The following ARHGAP42 variants were observed in gnomAD, a reference collection of about 807,000 sequenced individuals.
ARHGAP42 encodes rho GTPase-activating protein 42.
Under a neutral mutation model 125.0 loss-of-function variants are expected in ARHGAP42, and 63 were observed. The ratio of observed to expected loss-of-function variants is 0.50; its 90% confidence interval spans 0.41 to 0.62. The LOEUF (loss-of-function observed/expected upper bound fraction) is 0.62, where lower values mean the gene tolerates loss of function less well. Among genes scored for constraint, ARHGAP42 ranks in the 20% least tolerant of loss-of-function variants. The probability of loss-of-function intolerance (pLI) is 0.00; values close to 1 mark genes in which losing one functional copy is unlikely to be tolerated. For synonymous variants in ARHGAP42, 339 were observed against 351.0 expected (o/e 0.97, Z 0.38); for missense variants, 766 against 1,024.2 (o/e 0.75, Z 3.44).
intron 4 of ARHGAP42, among the ~76,000 whole-genome samples, chr11:100,911,249 G>A (rs1363005734): frequency 6.6e-6 from 1 of 152,082 alleles, no homozygotes; most frequent in South Asian, 2.1e-4. Flanking sequence ...AGGGTCTGTG[G>A]TGGCCACTAT....
intron 4 of ARHGAP42, among the ~76,000 whole-genome samples, chr11:100,875,097 CTCTCTCTCTCTGTG>C (rs1329534820): frequency 3.9e-4 from 37 of 95,204 alleles, no homozygotes; most frequent in Admixed American, 2.3e-3. Flanking sequence ...CTCTCTCTCT[CTCTCTCTCTCTGTG>C]TGTGTGTGTG....
In ARHGAP42 at chr11:100,978,745, G is replaced by A. The variant is rs76775609; in HGVS notation, c.2394-242G>A. 8.0e-3 allele frequency among the ~76,000 whole-genome samples: 1,219 copies of A among 152,228 alleles called. 16 individuals carry two copies. The highest frequency in any genetic ancestry group is 0.027 in the African/African-American group (1,103 of 41,544). ...TGGTTTTCTGAGATAAAAAGGATGA[G>A]GATAGTAAGATCCCCAGAGGAAGTA... On this transcript the variant is annotated intron_variant, in intron 21 of 23. Coordinates refer to ENST00000298815, the MANE Select transcript of ARHGAP42 (RefSeq NM_152432.4).
intron 1 of ARHGAP42, among the ~76,000 whole-genome samples, chr11:100,704,974 A>G (rs58897271): frequency 0.3 from 21,412 of 72,404 alleles, 2,427 homozygotes; most frequent in East Asian, 0.48. Flanking sequence ...GGTGAGCCTG[A>G]GTGAGCCTGG....
At chr11:100,762,720 C>T (rs769391247) in intron 1 of ARHGAP42, among the ~76,000 whole-genome samples, 3 of 152,106 alleles carry the variant, frequency 2.0e-5, no homozygotes, top group Non-Finnish European at 4.4e-5. Context: ...TACTTTGCCA[C>T]ACCCAGTATT....
chr11:100,919,010 C>T (rs1220310871), intron 5 of ARHGAP42, among the ~76,000 whole-genome samples: 1 of 152,054 alleles, frequency 6.6e-6, no homozygotes, highest in African/African-American at 2.4e-5. Flanking sequence ...TAGTCATACT[C>T]GTGGCTATGA....
At chr11:100,950,720 T>C (rs1182526998) in intron 12 of ARHGAP42, among the ~76,000 whole-genome samples, 3 of 152,116 alleles carry the variant, frequency 2.0e-5, no homozygotes, top group Non-Finnish European at 4.4e-5. Context: ...GTCATTTTAC[T>C]TGATATTTAA....
intron 4 of ARHGAP42, among the ~76,000 whole-genome samples, chr11:100,886,757 C>G (rs991062874): frequency 6.6e-6 from 1 of 152,168 alleles, no homozygotes; most frequent in Admixed American, 6.5e-5. Flanking sequence ...AACAATAAGA[C>G]TGTAAATGTT....
At chr11:100,747,426 A>T (rs926765479) in intron 1 of ARHGAP42, among the ~76,000 whole-genome samples, 2 of 152,212 alleles carry the variant, frequency 1.3e-5, no homozygotes, top group Non-Finnish European at 2.9e-5. Flanking sequence ...TTAATGTCTG[A>T]CCATAAGGTA....
At chr11:100,759,614 A>G (rs1230479891) in intron 1 of ARHGAP42, among the ~76,000 whole-genome samples, 2 of 152,114 alleles carry the variant, frequency 1.3e-5, no homozygotes, top group African/African-American at 2.4e-5. Context: ...GTAGACATAC[A>G]AAAAAGGAGG....
At chr11:100,720,819 G>A (rs930928298) in intron 1 of ARHGAP42, among the ~76,000 whole-genome samples, 3 of 151,792 alleles carry the variant, frequency 2.0e-5, no homozygotes, top group Non-Finnish European at 4.4e-5. Context: ...TTTTTACCAT[G>A]AACATTTTCA....
In ARHGAP42 at chr11:100,763,471, A is replaced by G. The variant is rs530220537; in HGVS notation, c.155-6872A>G. Among the ~76,000 whole-genome samples, 6 of 152,228 alleles carry G rather than the reference A, an allele frequency of 3.9e-5. No individual in the cohort carries two copies. In the South Asian group the frequency reaches 6.2e-4, roughly 16 times the overall value. The stretch of plus-strand genomic sequence containing the variant: ...CATTAGAAAGTAGAGGAATGAGCAT[A>G]CATTTCCTTTGTCTTTTTAAAAATT... On this transcript the variant is annotated intron_variant, in intron 1 of 23. Coordinates refer to ENST00000298815, the MANE Select transcript of ARHGAP42 (RefSeq NM_152432.4).
Position 100,884,755 on chromosome 11 carries a change from G to A in ARHGAP42, c.384+25130G>A, listed in dbSNP as rs147087957. On this transcript the variant is annotated intron_variant, in intron 4 of 23. Transcript: ENST00000298815. ...TATTTCTTTATGATTTTACCGTAAT[G>A]AAATTTATCATTCGTATTTCAGAAT... Among the ~76,000 whole-genome samples, 10 of 152,186 alleles carry A rather than the reference G, an allele frequency of 6.6e-5. No individual in the cohort carries two copies. In the East Asian group the frequency reaches 1.9e-3, roughly 29 times the overall value.
At chr11:100,980,761 G>A (rs1004772492) in intron 22 of ARHGAP42, among the ~76,000 whole-genome samples, 2 of 138,074 alleles carry the variant, frequency 1.4e-5, no homozygotes, top group Non-Finnish European at 1.6e-5. Flanking sequence ...AGTAGAGACA[G>A]GGTTTCACCA....
At chr11:100,922,635 A>G (rs1016821248) in intron 6 of ARHGAP42, among the ~76,000 whole-genome samples, 38 of 152,348 alleles carry the variant, frequency 2.5e-4, no homozygotes, top group African/African-American at 8.4e-4. Flanking sequence ...CTCTGTTTCT[A>G]TATTAGTGGA....
At position 100,731,225 on chromosome 11, in the gene ARHGAP42, CT is replaced by C. The variant is rs573631233; in HGVS notation, c.155-39116del. Among the ~76,000 whole-genome samples, 18 of 151,880 alleles carry C rather than the reference CT, an allele frequency of 1.2e-4. No individual in the cohort carries two copies. In the South Asian group the frequency reaches 3.7e-3, roughly 32 times the overall value. ...CCAGGCTGGAGTGCAGTGATGCCAT[CT>C]TGGCTCACTGCAACCTCTGCCTCCC... On this transcript the variant is annotated intron_variant, in intron 1 of 23. Transcript: ENST00000298815.
Position 100,687,496 on chromosome 11 carries a change from A to C in ARHGAP42, c.-183A>C. On this transcript the variant is annotated 5_prime_UTR_variant, in exon 1 of 24. Coordinates refer to ENST00000298815, the MANE Select transcript of ARHGAP42 (RefSeq NM_152432.4). ...GCGCTCGCCTAGCCTCGGGGGAGGA[A>C]GACTGAGCCCGGCGCAGGCGGCGCG... 3.3e-6 allele frequency: 1 copy of C among 298,926 alleles called. No homozygotes were observed. The highest frequency in any genetic ancestry group is 5.4e-6 in the Non-Finnish European group (1 of 184,190). 18.5% of individuals were successfully genotyped at this position (298,926 alleles called of 1,614,324 possible).
rs1431126414 is a variant in ARHGAP42, at chr11:100,992,522, A to G, written c.*3721A>G. 3 of 1,613,994 alleles carry G rather than the reference A, an allele frequency of 1.9e-6. No homozygotes were observed. Among genetic ancestry groups the G allele is most frequent in the Admixed American group, 1.7e-5 (1 of 60,006 alleles). ...AAGAAACAAAGATAGTTTTCTGAACATTCTGTGTCCTGCCTGTCTCCTGTT... is the reference window on the plus strand; with the variant it reads ...AAGAAACAAAGATAGTTTTCTGAACGTTCTGTGTCCTGCCTGTCTCCTGTT... On this transcript the variant is annotated 3_prime_UTR_variant, in exon 24 of 24. Coordinates refer to ENST00000298815, the MANE Select transcript of ARHGAP42 (RefSeq NM_152432.4).
At chr11:100,937,498 G>A (rs950167814) in intron 8 of ARHGAP42, among the ~76,000 whole-genome samples, 1 of 152,006 alleles carries the variant, frequency 6.6e-6, no homozygotes, top group African/African-American at 2.4e-5. Context: ...AAATGATTTT[G>A]TACAGGTTTG....
At chr11:100,811,751 C>T (rs1046664275) in intron 3 of ARHGAP42, among the ~76,000 whole-genome samples, 16 of 152,000 alleles carry the variant, frequency 1.1e-4, no homozygotes, top group Non-Finnish European at 5.9e-5. Flanking sequence ...CCGCCTGCCT[C>T]GGCCTCCCAA....
Sources: allele counts gnomAD v4.1 joint callset (sites outside exome capture counted in the v4.1 genomes callset), GRCh38; gene constraint gnomAD v4.1.1; transcripts MANE v1.5; gene names NCBI Gene and HGNC (gene_info 2026-07-23, HGNC 2026-07-21).